The following ARAP2 variants were observed in gnomAD, a reference collection of about 807,000 sequenced individuals.
ARAP2 encodes arf-GAP with Rho-GAP domain, ANK repeat and PH domain-containing protein 2.
In ARAP2, 148 loss-of-function variants were observed where a neutral mutation model predicts 194.5. The ratio of observed to expected loss-of-function variants is 0.76; its 90% CI spans 0.67 to 0.87. The LOEUF (loss-of-function observed/expected upper bound fraction) is 0.87, where lower values mean the gene tolerates loss of function less well. Ranked by LOEUF, ARAP2 falls within the 40% of genes least tolerant of loss-of-function variation. The pLI, the probability that ARAP2 is intolerant of heterozygous loss-of-function variation, is 0.00. For synonymous variants in ARAP2, 695 were observed against 683.5 expected (o/e 1.02, Z -0.26); for missense variants, 2,128 against 1,989.7 (o/e 1.07, Z -1.32).
Position 36,159,431 on chromosome 4 carries a change from CAT to C in ARAP2, c.2515_2516del (p.Met839ValfsTer9). 3 of 1,611,658 alleles carry C rather than the reference CAT, an allele frequency of 1.9e-6. No homozygotes were observed. Among genetic ancestry groups the C allele is most frequent in the Non-Finnish European group, 1.7e-6 (2 of 1,178,320 alleles). On this transcript the variant is annotated frameshift_variant, in exon 14 of 33. Transcript: ENST00000303965. LOFTEE classifies it high-confidence loss of function. ...MALLFSGADV[M>X]CATGDPVHST... ...TATGCACGGGGTCTCCGGTGGCACA[CAT>C]GACATCTGCTCCACTGAACAGCAAA...
At chr4:36,116,067 T>C (rs1721242961) in intron 25 of ARAP2, among the ~76,000 whole-genome samples, 1 of 152,076 alleles carries the variant, frequency 6.6e-6, no homozygotes, top group East Asian at 1.9e-4. Flanking sequence ...ACATCTCTTA[T>C]GATCAGCATT....
intron 8 of ARAP2, among the ~76,000 whole-genome samples, chr4:36,182,460 C>T (rs1211968482): frequency 6.6e-6 from 1 of 151,788 alleles, no homozygotes; most frequent in East Asian, 1.9e-4. Context: ...TGTGCCACTG[C>T]ACTCCAGCCT....
chr4:36,080,681 G>A (rs1045711556), intron 30 of ARAP2, among the ~76,000 whole-genome samples: 11 of 152,066 alleles, frequency 7.2e-5, no homozygotes, highest in Admixed American at 7.2e-4. Flanking sequence ...CTTTTTAAAA[G>A]GCTGAGACAT....
chr4:36,096,362 CAAAAAAA>C (rs10632831), intron 27 of ARAP2, among the ~76,000 whole-genome samples: 4 of 80,996 alleles, frequency 4.9e-5, no homozygotes, highest in South Asian at 7.7e-4. Context: ...GAGACTCTCT[CAAAAAAA>C]AAAAAAAAAA....
chr4:36,175,442 C>T (rs1022431254), intron 9 of ARAP2, among the ~76,000 whole-genome samples: 14 of 152,090 alleles, frequency 9.2e-5, no homozygotes, highest in Non-Finnish European at 1.8e-4. Context: ...AGGCACATAC[C>T]AGGATGCGAA....
intron 16 of ARAP2, among the ~76,000 whole-genome samples, chr4:36,149,860 A>T (rs1730540623): frequency 6.6e-6 from 1 of 152,196 alleles, no homozygotes; most frequent in South Asian, 2.1e-4. Flanking sequence ...ATGTAGTTTT[A>T]TGTAAATAAC....
At chr4:36,211,562 A>G (rs1211364795) in intron 5 of ARAP2, among the ~76,000 whole-genome samples, 1 of 152,134 alleles carries the variant, frequency 6.6e-6, no homozygotes, top group African/African-American at 2.4e-5. Context: ...TGGCCCTTTC[A>G]TATTTTGCAT....
intron 16 of ARAP2, among the ~76,000 whole-genome samples, chr4:36,150,101 C>T (rs1216896288): frequency 6.6e-6 from 1 of 152,128 alleles, no homozygotes; most frequent in Non-Finnish European, 1.5e-5. Flanking sequence ...AATGCTTAAT[C>T]TATTCATTGT....
At position 36,083,398 on chromosome 4, in the gene ARAP2, C is replaced by A. The variant is rs1317288028; in HGVS notation, c.4478G>T (p.Gly1493Val). The A allele has an allele frequency of 9.3e-6, 15 of 1,608,718 alleles. No homozygotes were observed. Among genetic ancestry groups the A allele is most frequent in the African/African-American group, 1.3e-5 (1 of 74,598 alleles). Residue 1493 changes from glycine (G) to valine (V), a missense_variant, in exon 29 of 33, where the codon GGA becomes GTA. Gly to Val is a moderately radical substitution (Grantham distance 109). Transcript: ENST00000303965. The part of the protein sequence containing the change: ...FSLSSMKFYR[G>V]VKKKMKPPTS... ...TGGAGGCTTCATTTTCTTTTTCACT[C>A]CACGATAAAACTTCATGGAACTGAG... is the stretch of plus-strand genomic sequence containing the variant.
intron 9 of ARAP2, among the ~76,000 whole-genome samples, chr4:36,175,226 C>T (rs1435631824): frequency 6.6e-6 from 1 of 152,144 alleles, no homozygotes; most frequent in Non-Finnish European, 1.5e-5. Flanking sequence ...CACAAGATTA[C>T]TGTGTGTGTT....
At chr4:36,221,078 G>C (rs1560702872) in intron 2 of ARAP2, among the ~76,000 whole-genome samples, 1 of 152,032 alleles carries the variant, frequency 6.6e-6, no homozygotes, top group Middle Eastern at 3.4e-3. Context: ...TCTATGTTTA[G>C]ATTTGTTTAA....
At chr4:36,134,719 C>T (rs932562976) in intron 19 of ARAP2, among the ~76,000 whole-genome samples, 3 of 131,510 alleles carry the variant, frequency 2.3e-5, no homozygotes, top group African/African-American at 8.3e-5. Flanking sequence ...ACTCAGGAAA[C>T]ATAAACACAC....
intron 5 of ARAP2, among the ~76,000 whole-genome samples, chr4:36,025,277 C>T (rs537847495): frequency 1.3e-5 from 2 of 152,090 alleles, no homozygotes; most frequent in Non-Finnish European, 2.9e-5. Context: ...AGGATGAGCA[C>T]CCACCATATG....
chr4:36,163,544 T>C (rs1385519253), intron 11 of ARAP2, among the ~76,000 whole-genome samples: 3 of 152,042 alleles, frequency 2.0e-5, no homozygotes, highest in Non-Finnish European at 4.4e-5. Context: ...AAAAAACCTA[T>C]GCACACTACA....
Position 36,244,487 on chromosome 4 carries a change from C to T in ARAP2, c.-468G>A, listed in dbSNP as rs1223231937. The T allele has an allele frequency of 6.6e-6, 1 of 151,090 alleles. No individual in the cohort carries two copies. The highest frequency in any genetic ancestry group is 1.5e-5 in the Non-Finnish European group (1 of 67,656). 9.4% of individuals were successfully genotyped at this position (151,090 alleles called of 1,614,324 possible). A position where few individuals can be genotyped will look rare whatever the true frequency, so the allele number is the denominator to read the frequency against. ...CGCCCGCGCCTTGCTCAGGTGCTCC[C>T]GCGCCTCGCCTCGGCCGCCGCTTCC... On this transcript the variant is annotated 5_prime_UTR_variant, in exon 1 of 33. Transcript: ENST00000303965.
chr4:36,044,894 A>G (rs1721546472), intron 5 of ARAP2, among the ~76,000 whole-genome samples: 1 of 152,160 alleles, frequency 6.6e-6, no homozygotes, highest in South Asian at 2.1e-4. Flanking sequence ...AAGAACCTGA[A>G]TAGACATTTC....
chr4:36,010,177 TTA>T (rs1714192872), intron 9 of ARAP2, among the ~76,000 whole-genome samples: 2 of 151,174 alleles, frequency 1.3e-5, no homozygotes, highest in Admixed American at 6.6e-5. Flanking sequence ...GTGTTAAATA[TTA>T]TATGTTATAT....
chr4:36,029,043 G>A (rs953189287), intron 5 of ARAP2, among the ~76,000 whole-genome samples: 2 of 152,090 alleles, frequency 1.3e-5, no homozygotes, highest in Admixed American at 6.6e-5. Flanking sequence ...TAGTGCTTGA[G>A]AGGAAGCTGT....
At chr4:36,076,130 A>G (rs189813783) in intron 31 of ARAP2, among the ~76,000 whole-genome samples, 186 of 152,290 alleles carry the variant, frequency 1.2e-3, no homozygotes, top group Non-Finnish European at 2.4e-3. Flanking sequence ...CTGATTGCAA[A>G]TAACTTTTAT....
Sources: gnomAD v4.1 joint callset for allele counts (sites outside exome capture counted in the v4.1 genomes callset) on GRCh38, gnomAD v4.1.1 for gene constraint, MANE v1.5 for transcripts, NCBI Gene and HGNC (gene_info 2026-07-23, HGNC 2026-07-21) for gene names.